Variants in TRIO observed in about 807,000 individuals in gnomAD.
The protein encoded by TRIO is trio Rho guanine nucleotide exchange factor.
TRIO carries 58 observed loss-of-function variants against 351.9 expected under a neutral mutation model. The observed-to-expected ratio is 0.16, with a 90% confidence interval of 0.13 to 0.21. The LOEUF (loss-of-function observed/expected upper bound fraction) is 0.21, where lower values mean the gene tolerates loss of function less well. TRIO is among the 10% of genes least tolerant of loss of function. The pLI is 1.00. For synonymous variants in TRIO, 1,758 were observed against 1,595.7 expected, an observed-to-expected ratio of 1.10 and a Z score of -2.42; for missense variants, 3,201 against 4,027.8, an observed-to-expected ratio of 0.79 and a Z score of 5.56.
rs147004011 is a variant in TRIO, at chr5:14,290,757, T to C, written c.582T>C (p.Asp194=). Reference sequence around the variant, plus strand: ...TAGAAGGCCTTACCAAAGTAGTTGATCCTTCTCAGCTAACTCCTGAGTTTG... The same window carrying C: ...TAGAAGGCCTTACCAAAGTAGTTGACCCTTCTCAGCTAACTCCTGAGTTTG... ...VSLEGLTKVV[D]PSQLTPEFDG... Residue 194 remains aspartate, a synonymous_variant, in exon 5 of 57, where the codon GAT becomes GAC. Transcript: ENST00000344204. 124 of 1,613,986 alleles carry C rather than the reference T, an allele frequency of 7.7e-5. No individual in the cohort carries two copies. The highest frequency in any genetic ancestry group is 1.0e-4 in the Non-Finnish European group (118 of 1,179,994).
intron 34 of TRIO, among the ~76,000 whole-genome samples, chr5:14,444,716 T>C (rs972387732): frequency 3.9e-5 from 6 of 152,244 alleles, no homozygotes; most frequent in African/African-American, 1.2e-4. Flanking sequence ...CTTGCTTCCA[T>C]GTTAAACACG....
At chr5:14,455,891 C>A (rs1017069908) in intron 34 of TRIO, among the ~76,000 whole-genome samples, 1 of 152,262 alleles carries the variant, frequency 6.6e-6, no homozygotes, top group Admixed American at 6.5e-5. Flanking sequence ...CACTGCACAC[C>A]TGCACTCCTC....
At chr5:14,288,440 G>A (rs1391007494) in intron 4 of TRIO, among the ~76,000 whole-genome samples, 4 of 152,148 alleles carry the variant, frequency 2.6e-5, no homozygotes, top group East Asian at 1.9e-4. Flanking sequence ...AGGCCGAGGC[G>A]GGCGGACCAC....
intron 3 of TRIO, among the ~76,000 whole-genome samples, chr5:14,281,383 A>G (rs1401568360): frequency 6.7e-6 from 1 of 150,174 alleles, no homozygotes; most frequent in Non-Finnish European, 1.5e-5. Flanking sequence ...TGAGAACTCC[A>G]TCAGGGGACA....
intron 18 of TRIO, among the ~76,000 whole-genome samples, chr5:14,370,350 T>G (rs527799020): frequency 2.0e-5 from 3 of 152,292 alleles, no homozygotes; most frequent in Admixed American, 6.5e-5. Context: ...TTTTTCAAAG[T>G]AGTTGAAACA....
intron 2 of TRIO, among the ~76,000 whole-genome samples, chr5:14,275,866 G>GTATATATATATATATATATGTTTA (rs56388390): frequency 5.6e-5 from 8 of 143,942 alleles, no homozygotes; most frequent in Non-Finnish European, 9.1e-5. Context: ...CTCTATGTGT[G>GTATATATATATATATATATGTTTA]TATATATATA....
intron 1 of TRIO, among the ~76,000 whole-genome samples, chr5:14,184,507 T>C (rs1789987697): frequency 6.6e-6 from 1 of 152,230 alleles, no homozygotes; most frequent in African/African-American, 2.4e-5. Context: ...ACTGGAAAAG[T>C]GTTTGCATTT....
chr5:14,485,364 C>A, intron 47 of TRIO, 118 bp downstream of exon 47: 1 of 1,051,386 alleles, frequency 9.5e-7, no homozygotes, highest in Non-Finnish European at 1.3e-6. Context: ...CACCACTCTT[C>A]AGGCACTGCC....
chr5:14,392,484 T>C (rs999650587), intron 27 of TRIO, among the ~76,000 whole-genome samples: 15 of 151,824 alleles, frequency 9.9e-5, no homozygotes, highest in Non-Finnish European at 8.8e-5. Context: ...TTGGTGGGAG[T>C]GTAAATTAGT....
chr5:14,146,180 G>A (rs562948466), intron 1 of TRIO, among the ~76,000 whole-genome samples: 1 of 151,864 alleles, frequency 6.6e-6, no homozygotes, highest in Non-Finnish European at 1.5e-5. Flanking sequence ...TGTTGGATGG[G>A]TGGGTGTGGG....
At chr5:14,172,980 G>A (rs146389600) in intron 1 of TRIO, among the ~76,000 whole-genome samples, 59 of 152,258 alleles carry the variant, frequency 3.9e-4, no homozygotes, top group African/African-American at 1.4e-3. Flanking sequence ...AGGGAGGAAT[G>A]GGGTGGCCCA....
chr5:14,496,986 G>A lies in TRIO; in HGVS notation c.7988G>A (p.Arg2663Gln), dbSNP rs759013979. Residue 2663 changes from arginine (R) to glutamine (Q), a missense_variant, in exon 50 of 57, where the codon CGG (arginine) becomes CAG (glutamine). Coordinates refer to ENST00000344204, the MANE Select transcript of TRIO (RefSeq NM_007118.4). Reference protein sequence around the residue: ...GKLENGYRKSREGLSNKVSVK... With the variant: ...GKLENGYRKSQEGLSNKVSVK... ...TTAGAGAACGGTTATCGGAAGTCACGGGAAGGACTCAGCAACAAGGTATCT... is the reference window on the plus strand; with the variant it reads ...TTAGAGAACGGTTATCGGAAGTCACAGGAAGGACTCAGCAACAAGGTATCT... The A allele has an allele frequency of 6.2e-5, 100 of 1,614,066 alleles. No homozygotes were observed. The highest frequency in any genetic ancestry group is 7.5e-5 in the Non-Finnish European group (88 of 1,180,044).
In TRIO at chr5:14,336,524, T is replaced by C. The variant is rs1002791995; in HGVS notation, c.1855-12T>C. The C allele has an allele frequency of 1.9e-6, 3 of 1,610,462 alleles. No homozygotes were observed. The highest frequency in any genetic ancestry group is 1.7e-4 in the Middle Eastern group (1 of 6,044). On this transcript the variant is annotated splice_polypyrimidine_tract_variant and intron_variant, in intron 10 of 56. Transcript: ENST00000344204. Reference sequence around the variant, plus strand: ...CTTACCTTCTGTTTCTCTGGGATGTTCTCTTGTGCAGAACACATACACCAA... The same window carrying C: ...CTTACCTTCTGTTTCTCTGGGATGTCCTCTTGTGCAGAACACATACACCAA...
chr5:14,508,028 A>G lies in TRIO; in HGVS notation c.8900A>G (p.Asn2967Ser). ...GCAGCCCCTGAAATCATCCTCGGGA[A>G]CCCTGTCTCCCTGACCTCGGATACG... is the stretch of plus-strand genomic sequence containing the variant. Reference protein sequence around the residue: ...EFAAPEIILGNPVSLTSDTWS... With the variant: ...EFAAPEIILGSPVSLTSDTWS... The change falls in exon 57 of 57, where the codon AAC (asparagine) becomes AGC (serine). Residue 2967 changes from asparagine to serine, a missense_variant. Physicochemically the swap from Asn to Ser is conservative, Grantham distance 46 (BLOSUM62 1). Coordinates refer to ENST00000344204, the MANE Select transcript of TRIO (RefSeq NM_007118.4). 6.2e-7 allele frequency: 1 copy of G among 1,614,170 alleles called. No homozygotes were observed. The highest frequency in any genetic ancestry group is 1.1e-5 in the South Asian group (1 of 91,078).
intron 1 of TRIO, among the ~76,000 whole-genome samples, chr5:14,204,410 G>T (rs1791332520): frequency 1.3e-5 from 2 of 152,008 alleles, no homozygotes; most frequent in South Asian, 4.2e-4. Flanking sequence ...TTTTTGTTCT[G>T]CAGGTTGTCT....
chr5:14,369,132 G>A (rs983288886), intron 17 of TRIO, among the ~76,000 whole-genome samples: 2 of 152,128 alleles, frequency 1.3e-5, no homozygotes, highest in Admixed American at 1.3e-4. Context: ...TTAAACATAG[G>A]ACCTGAAGCA....
At chr5:14,469,950 G>C (rs1361158388) in intron 37 of TRIO, among the ~76,000 whole-genome samples, 1 of 152,178 alleles carries the variant, frequency 6.6e-6, no homozygotes, top group Non-Finnish European at 1.5e-5. Context: ...GGCTTCAGCT[G>C]TCCAGGTGGG....
intron 1 of TRIO, among the ~76,000 whole-genome samples, chr5:14,170,036 T>A (rs1247296834): frequency 2.0e-5 from 3 of 152,122 alleles, no homozygotes; most frequent in Admixed American, 2.0e-4. Context: ...AGGGAAAAGG[T>A]GAAAGAAGTT....
Position 14,323,415 on chromosome 5 carries a change from A to G in TRIO, c.1731+6672A>G, listed in dbSNP as rs16903393. Among the ~76,000 whole-genome samples the G allele has an allele frequency of 5.4e-3, 818 of 152,260 alleles. 8 individuals carry two copies. Among genetic ancestry groups the G allele is most frequent in the African/African-American group, 0.019 (785 of 41,544 alleles). ...CTAAGCAAAGAGTAAAATCAACGTG[A>G]TACTGAAGAAAGAATCTTTGAGTGG... On this transcript the variant is annotated intron_variant, in intron 9 of 56. Transcript: ENST00000344204.
Sources: allele counts gnomAD v4.1 joint callset (sites outside exome capture counted in the v4.1 genomes callset), GRCh38; gene constraint gnomAD v4.1.1; transcripts MANE v1.5; gene names NCBI Gene and HGNC (gene_info 2026-07-23, HGNC 2026-07-21).